The following PPM1H variants were observed in gnomAD, a reference collection of about 807,000 sequenced individuals.
PPM1H encodes protein phosphatase 1H.
A neutral mutation model predicts 54.9 loss-of-function variants in PPM1H; 27 were observed. The ratio of observed to expected loss-of-function variants is 0.49; its 90% CI spans 0.36 to 0.68. PPM1H has a LOEUF of 0.68. Among genes scored for constraint, PPM1H ranks in the 30% least tolerant of loss-of-function variants. PPM1H has a pLI of 0.00. For synonymous variants in PPM1H, 305 were observed against 270.8 expected (o/e 1.13, Z -1.24); for missense variants, 596 against 667.8 (o/e 0.89, Z 1.19).
chr12:62,845,798 C>A (rs57070162), intron 1 of PPM1H, among the ~76,000 whole-genome samples: 13,105 of 152,240 alleles, frequency 0.086, 836 homozygotes, highest in African/African-American at 0.18. Context: ...GAATATCTGC[C>A]TTTGCATGTT....
At chr12:62,695,489 T>TA (rs1052957209) in intron 6 of PPM1H, among the ~76,000 whole-genome samples, 4 of 152,076 alleles carry the variant, frequency 2.6e-5, no homozygotes, top group Admixed American at 1.3e-4. Flanking sequence ...AGCTGAGAGG[T>TA]ATTCTAGGAA....
intron 5 of PPM1H, 134 bp from the exon 6 acceptor site, chr12:62,720,423 A>G: frequency 1.6e-6 from 1 of 640,042 alleles, no homozygotes; most frequent in Non-Finnish European, 2.7e-6. Flanking sequence ...TTTTAAGTAA[A>G]TAGATTTCAG....
intron 4 of PPM1H, among the ~76,000 whole-genome samples, chr12:62,771,045 G>GACACACACACACACACACACACACACAC (rs71086630): frequency 7.7e-6 from 1 of 129,422 alleles, no homozygotes; most frequent in Non-Finnish European, 1.6e-5. Flanking sequence ...AAAAGAAAAA[G>GACACACACACACACACACACACACACAC]ACACACACAC....
rs548810512 is a variant in PPM1H at position 62,915,071 on chromosome 12, A to T, written c.245+19421T>A. Among the ~76,000 whole-genome samples, 5 of 152,346 alleles carry T rather than the reference A, an allele frequency of 3.3e-5. No homozygotes were observed. The South Asian group carries it at 1.0e-3, about 32-fold the overall frequency. Reference sequence around the variant, plus strand: ...GCTGCTCACTGCTTATGATGTAAATAAAGTTCCTTTTGATGACATACAAGG... The same window carrying T: ...GCTGCTCACTGCTTATGATGTAAATTAAGTTCCTTTTGATGACATACAAGG... On this transcript the variant is annotated intron_variant, in intron 1 of 9. Transcript: ENST00000228705.
chr12:62,874,194 C>T (rs1253682152), intron 1 of PPM1H, among the ~76,000 whole-genome samples: 2 of 152,184 alleles, frequency 1.3e-5, no homozygotes, highest in African/African-American at 4.8e-5. Flanking sequence ...TGCATTTCAG[C>T]CACTGTCTAG....
Position 62,653,683 on chromosome 12 carries a change from C to T in PPM1H, c.1398-5047G>A, listed in dbSNP as rs1376615811. On this transcript the variant is annotated intron_variant, in intron 9 of 9. Coordinates refer to ENST00000228705, the MANE Select transcript of PPM1H (RefSeq NM_020700.2). The stretch of plus-strand genomic sequence containing the variant: ...GTTGTTCACATGTGCCCTGGGTTAT[C>T]CAAAGAGATTTAAAATTTGCCTTTA... 2.0e-5 allele frequency among the ~76,000 whole-genome samples: 3 copies of T among 152,226 alleles called. No homozygotes were observed. In the East Asian group the frequency reaches 5.8e-4, roughly 29 times the overall value.
chr12:62,898,121 T>C (rs1027087565), intron 1 of PPM1H, among the ~76,000 whole-genome samples: 4 of 152,168 alleles, frequency 2.6e-5, no homozygotes, highest in African/African-American at 9.7e-5. Flanking sequence ...TAGCACATAA[T>C]CATCCTTAAA....
chr12:62,734,191 G>A (rs1227243613), intron 5 of PPM1H, among the ~76,000 whole-genome samples: 1 of 150,510 alleles, frequency 6.6e-6, no homozygotes, highest in Non-Finnish European at 1.5e-5. Context: ...AAATCAGGAA[G>A]TAGAGCCCTC....
At chr12:62,676,963 G>A (rs996818992) in intron 8 of PPM1H, among the ~76,000 whole-genome samples, 1 of 152,094 alleles carries the variant, frequency 6.6e-6, no homozygotes, top group East Asian at 1.9e-4. Context: ...AGAGCTTATG[G>A]TGCTTTTCTG....
At chr12:62,670,515 C>CT (rs2075951233) in intron 8 of PPM1H, among the ~76,000 whole-genome samples, 1 of 152,258 alleles carries the variant, frequency 6.6e-6, no homozygotes, top group Non-Finnish European at 1.5e-5. Context: ...GCCAAACCCT[C>CT]TTTAAAGTGC....
intron 1 of PPM1H, among the ~76,000 whole-genome samples, chr12:62,912,879 C>T (rs916868894): frequency 6.6e-6 from 1 of 152,232 alleles, no homozygotes; most frequent in African/African-American, 2.4e-5. Flanking sequence ...TATCCAACTG[C>T]TTCCACCTGG....
chr12:62,652,354 G>T (rs1177411082), intron 9 of PPM1H, among the ~76,000 whole-genome samples: 2 of 152,074 alleles, frequency 1.3e-5, no homozygotes, highest in African/African-American at 2.4e-5. Flanking sequence ...CTAGGACTAA[G>T]GCATATTCCA....
intron 1 of PPM1H, among the ~76,000 whole-genome samples, chr12:62,916,339 CTT>C (rs1296505120): frequency 1.3e-5 from 2 of 152,240 alleles, no homozygotes; most frequent in East Asian, 3.9e-4. Flanking sequence ...AATAAACAAT[CTT>C]AACTATCAAA....
chr12:62,692,785 A>G (rs1203892977), intron 7 of PPM1H, among the ~76,000 whole-genome samples: 1 of 152,178 alleles, frequency 6.6e-6, no homozygotes, highest in Admixed American at 6.5e-5. Flanking sequence ...TGAATGGGGT[A>G]TGTTCGTTTA....
chr12:62,808,248 A>C (rs534277791), intron 2 of PPM1H, among the ~76,000 whole-genome samples: 2 of 152,306 alleles, frequency 1.3e-5, no homozygotes, highest in African/African-American at 4.8e-5. Context: ...AATTATCTGC[A>C]TTTTATATTG....
At chr12:62,678,681 C>G (rs896915153) in intron 8 of PPM1H, among the ~76,000 whole-genome samples, 1 of 149,674 alleles carries the variant, frequency 6.7e-6, no homozygotes, top group Non-Finnish European at 1.5e-5. Context: ...AAGAAAGTAG[C>G]TTCTGCATAC....
At chr12:62,695,794 C>T (rs2076111547) in intron 6 of PPM1H, among the ~76,000 whole-genome samples, 1 of 152,134 alleles carries the variant, frequency 6.6e-6, no homozygotes, top group Non-Finnish European at 1.5e-5. Flanking sequence ...CAGCTTGACC[C>T]TTAAGACAAC....
intron 4 of PPM1H, among the ~76,000 whole-genome samples, chr12:62,785,894 G>A (rs1003329273): frequency 1.3e-5 from 2 of 151,902 alleles, no homozygotes; most frequent in African/African-American, 2.4e-5. Context: ...AAAAGGCACT[G>A]GGGAGGAGTT....
At chr12:62,856,101 CT>C (rs527467581) in intron 1 of PPM1H, among the ~76,000 whole-genome samples, 191 of 152,322 alleles carry the variant, frequency 1.3e-3, no homozygotes, top group Middle Eastern at 6.8e-3. Context: ...ATGGCTTCTT[CT>C]CCAGCTGGTT....
Sources: allele counts gnomAD v4.1 joint callset (sites outside exome capture counted in the v4.1 genomes callset), GRCh38; gene constraint gnomAD v4.1.1; transcripts MANE v1.5; gene names NCBI Gene and HGNC (gene_info 2026-07-23, HGNC 2026-07-21).